Variants in PTPRS observed in about 807,000 individuals in gnomAD.
The protein encoded by PTPRS is protein tyrosine phosphatase receptor type S.
A neutral mutation model predicts 215.3 loss-of-function variants in PTPRS; 63 were observed. That is an observed-to-expected ratio of 0.29 (90% CI 0.24 to 0.36). PTPRS has a LOEUF of 0.36. Among genes scored for constraint, PTPRS ranks in the 10% least tolerant of loss-of-function variants. The pLI, the probability that PTPRS is intolerant of heterozygous loss-of-function variation, is 1.00. For missense variants in PTPRS, 2,258 were observed against 2,825.8 expected (o/e 0.80, Z 4.56); for synonymous variants, 1,404 against 1,191.4 (o/e 1.18, Z -3.68).
intron 1 of PTPRS, among the ~76,000 whole-genome samples, chr19:5,290,492 C>T (rs1304523793): frequency 6.6e-6 from 1 of 152,158 alleles, no homozygotes; most frequent in Non-Finnish European, 1.5e-5. Flanking sequence ...ATCTGGGAGC[C>T]GGCTTTGTGT....
At chr19:5,223,765 T>C (rs934644216) in intron 17 of PTPRS, among the ~76,000 whole-genome samples, 3 of 149,942 alleles carry the variant, frequency 2.0e-5, no homozygotes, top group Non-Finnish European at 4.4e-5. Flanking sequence ...TTTCGCCATA[T>C]TGGCCAGGCT....
chr19:5,214,249 C>T (rs2041206116), intron 30 of PTPRS, 112 bp downstream of exon 30: 5 of 1,459,316 alleles, frequency 3.4e-6, no homozygotes, highest in Non-Finnish European at 4.7e-6. Context: ...GGTAGACACG[C>T]TCCGCTTTCT....
intron 1 of PTPRS, among the ~76,000 whole-genome samples, chr19:5,304,807 A>G (rs139313160): frequency 2.0e-4 from 31 of 152,050 alleles, no homozygotes; most frequent in African/African-American, 7.2e-4. Context: ...GGTAGAAGGA[A>G]CAGCATATGC....
intron 37 of PTPRS, 35 bp from the exon 38 acceptor site, chr19:5,206,877 C>T: frequency 6.3e-7 from 1 of 1,596,244 alleles, no homozygotes; most frequent in Non-Finnish European, 8.6e-7. Context: ...AGTACCTCCG[C>T]TGCTCTAACG....
Position 5,231,425 on chromosome 19 carries a change from C to G in PTPRS, c.2040G>C (p.Gln680His), listed in dbSNP as rs1306570922. 1 of 1,613,206 alleles carries G rather than the reference C, an allele frequency of 6.2e-7. No individual in the cohort carries two copies. The highest frequency in any genetic ancestry group is 8.5e-7 in the Non-Finnish European group (1 of 1,179,926). The change falls in exon 14 of 38, where the codon CAG becomes CAC. Residue 680 changes from glutamine (Q) to histidine (H), a missense_variant. Gln to His is a conservative substitution (Grantham distance 24). This residue lies in a region of PTPRS where 371 missense variants were observed against 446.7 expected (regional missense o/e 0.83). Transcript: ENST00000262963. ...ACTTCTCCAAGGCCTCCAGCAGGAT[C>G]TGAGTGGTGGTCGGGGGGATGCCGT... ...EVNGIPPTTT[Q>H]ILLEALEKWT...
intron 16 of PTPRS, among the ~76,000 whole-genome samples, chr19:5,228,347 G>GAAAAAAAAAAAAAAAAAAAAAAAAAAAA (rs71170899): frequency 3.8e-5 from 4 of 105,862 alleles, no homozygotes; most frequent in African/African-American, 1.7e-4. Context: ...TCCGTCTGGA[G>GAAAAAAAAAAAAAAAAAAAAAAAAAAAA]AAAAAAAAAA....
intron 24 of PTPRS, 101 bp downstream of exon 24, chr19:5,218,685 TG>T (rs1431795872): frequency 2.6e-6 from 4 of 1,539,602 alleles, no homozygotes; most frequent in Non-Finnish European, 3.6e-6. Context: ...GTACAAGCTG[TG>T]GGGGCAGCCG....
chr19:5,219,236 G>A, intron 23 of PTPRS, 74 bp downstream of exon 23: 2 of 1,573,378 alleles, frequency 1.3e-6, no homozygotes, highest in Non-Finnish European at 1.7e-6. Flanking sequence ...ATGATTCTCT[G>A]AGACAACTCC....
chr19:5,284,416 T>TAAAA (rs775455834), intron 2 of PTPRS, among the ~76,000 whole-genome samples: 4 of 88,724 alleles, frequency 4.5e-5, no homozygotes, highest in East Asian at 2.2e-4. Flanking sequence ...AATAAATAAA[T>TAAAA]AAAAATTAGC....
intron 11 of PTPRS, among the ~76,000 whole-genome samples, chr19:5,241,759 C>A (rs1879818232): frequency 6.6e-6 from 1 of 152,172 alleles, no homozygotes; most frequent in East Asian, 1.9e-4. Flanking sequence ...GCTGGGGTCC[C>A]CCATGCCTAA....
chr19:5,221,726 CT>C (rs1188303086), intron 19 of PTPRS, among the ~76,000 whole-genome samples: 1 of 152,120 alleles, frequency 6.6e-6, no homozygotes, highest in Non-Finnish European at 1.5e-5. Flanking sequence ...AGACTAAACT[CT>C]GACCTCAGGC....
chr19:5,212,255 AG>A lies in PTPRS; in HGVS notation c.4770-6del. 1 of 1,609,416 alleles carries A rather than the reference AG, an allele frequency of 6.2e-7. No homozygotes were observed. Among genetic ancestry groups the A allele is most frequent in the Non-Finnish European group, 8.5e-7 (1 of 1,176,760 alleles). The stretch of plus-strand genomic sequence containing the variant: ...CCTGTGCGGCCCACACCGGCACTGC[AG>A]GGACAGCCACGTGGCGTTCAGGGGC... On this transcript the variant is annotated splice_polypyrimidine_tract_variant and splice_region_variant and intron_variant, in intron 31 of 37. Transcript: ENST00000262963.
rs918228851 is a variant in PTPRS at position 5,206,678 on chromosome 19, G to C, written c.*96C>G. On this transcript the variant is annotated 3_prime_UTR_variant, in exon 38 of 38. Coordinates refer to ENST00000262963, the MANE Select transcript of PTPRS (RefSeq NM_002850.4). ...ACAGCTGCTGCCGCTGCCACCTCCTGCCCTGCCCACTGGGGGTCCAGGCCT... is the reference window on the plus strand; with the variant it reads ...ACAGCTGCTGCCGCTGCCACCTCCTCCCCTGCCCACTGGGGGTCCAGGCCT... The C allele has an allele frequency of 4.0e-5, 43 of 1,088,164 alleles. No individual in the cohort carries two copies. Among genetic ancestry groups the C allele is most frequent in the Non-Finnish European group, 5.9e-5 (42 of 717,040 alleles). The allele number at this position is 1,088,164 out of a possible 1,614,324, so 67.4% of individuals were successfully genotyped here.
At position 5,279,296 on chromosome 19, in the gene PTPRS, A is replaced by G. The variant is rs117439953; in HGVS notation, c.92-4952T>C. ...CAGGGACAGAGATTTCCACTTTGGTACCTTTTTACATGTAGAACTAAAGAC... is the reference window on the plus strand; with the variant it reads ...CAGGGACAGAGATTTCCACTTTGGTGCCTTTTTACATGTAGAACTAAAGAC... On this transcript the variant is annotated intron_variant, in intron 2 of 37. Transcript: ENST00000262963. Among the ~76,000 whole-genome samples the G allele has an allele frequency of 3.2e-3, 493 of 152,178 alleles. 3 individuals carry two copies. Among genetic ancestry groups the G allele is most frequent in the Non-Finnish European group, 4.3e-3 (290 of 67,994 alleles).
chr19:5,263,435 G>A (rs887728809), intron 5 of PTPRS, among the ~76,000 whole-genome samples: 3 of 152,126 alleles, frequency 2.0e-5, no homozygotes, highest in Non-Finnish European at 4.4e-5. Context: ...TTTGGTGGGG[G>A]GCAACGATGG....
At position 5,205,528 on chromosome 19, in the gene PTPRS, A is replaced by G. The variant is rs2040297119; in HGVS notation, c.*1246T>C. Among the ~76,000 whole-genome samples, 1 of 152,240 alleles carries G rather than the reference A, an allele frequency of 6.6e-6. No homozygotes were observed. The highest frequency in any genetic ancestry group is 1.5e-5 in the Non-Finnish European group (1 of 68,036). ...CGGGGTCAGACGATCTTCCTTTAATACAAAGTCGATATATCTACATACACG... is the reference window on the plus strand; with the variant it reads ...CGGGGTCAGACGATCTTCCTTTAATGCAAAGTCGATATATCTACATACACG... On this transcript the variant is annotated 3_prime_UTR_variant, in exon 38 of 38. Coordinates refer to ENST00000262963, the MANE Select transcript of PTPRS (RefSeq NM_002850.4).
rs1193299679 is a variant in PTPRS, at chr19:5,338,730, G to A, written c.-95+1934C>T. On this transcript the variant is annotated intron_variant, in intron 1 of 37. Coordinates refer to ENST00000262963, the MANE Select transcript of PTPRS (RefSeq NM_002850.4). This position sits in a 1 kb window ranked among gnomAD's most constrained non-coding sequence, Gnocchi z 4.2. ...GGAAGGGACCCTGGGAGGGGGAGGG[G>A]ACTTATGCAAATGGCAGATTCGACC... Among the ~76,000 whole-genome samples, 2 of 152,164 alleles carry A rather than the reference G, an allele frequency of 1.3e-5. No individual in the cohort carries two copies. The highest frequency in any genetic ancestry group is 1.3e-4 in the Admixed American group (2 of 15,296).
At position 5,302,893 on chromosome 19, in the gene PTPRS, TAAAAATACA is replaced by T. The variant is rs1231519244; in HGVS notation, c.-94-16668_-94-16660del. Among the ~76,000 whole-genome samples, 62 of 74,804 alleles carry T rather than the reference TAAAAATACA, an allele frequency of 8.3e-4. 1 individual carries two copies. The highest frequency in any genetic ancestry group is 3.2e-3 in the African/African-American group (57 of 17,556). The allele number at this position is 74,804 out of a possible 152,430, so 49.1% of individuals were successfully genotyped here. A position where few individuals can be genotyped will look rare whatever the true frequency, so the allele number is the denominator to read the frequency against. The stretch of plus-strand genomic sequence containing the variant: ...TAACACAGTGAAACCCCATCTCTAC[TAAAAATACA>T]AAAAAAAAAAAAAAAAAATTAGCCA... On this transcript the variant is annotated intron_variant, in intron 1 of 37. Transcript: ENST00000262963.
chr19:5,221,124 G>C lies in PTPRS; in HGVS notation c.3331C>G (p.Gln1111Glu). 6.2e-7 allele frequency: 1 copy of C among 1,614,054 alleles called. No individual in the cohort carries two copies. The highest frequency in any genetic ancestry group is 8.5e-7 in the Non-Finnish European group (1 of 1,179,992). Residue 1111 changes from glutamine to glutamate, a missense_variant, in exon 20 of 38, where the codon CAG (glutamine) becomes GAG (glutamate). Physicochemically the swap from Gln to Glu is conservative, Grantham distance 29. Coordinates refer to ENST00000262963, the MANE Select transcript of PTPRS (RefSeq NM_002850.4). ...AAGGCAGTCCAGGCGGTGACCGTCT[G>C]CTGGAGGCCGCCCAGGCTGCTGCCG... is the stretch of plus-strand genomic sequence containing the variant. ...NRGSSLGGLQ[Q>E]TVTAWTAFNL...
Sources: allele counts gnomAD v4.1 joint callset (sites outside exome capture counted in the v4.1 genomes callset), GRCh38; gene constraint gnomAD v4.1.1; regional missense constraint gnomAD v4.1.1; non-coding constraint Gnocchi (gnomAD v3.1); transcripts MANE v1.5; gene names NCBI Gene and HGNC (gene_info 2026-07-23, HGNC 2026-07-21).